Variants in MYO6 observed in about 807,000 individuals in gnomAD.
The protein encoded by MYO6 is unconventional myosin-VI.
MYO6 carries 74 observed loss-of-function variants against 178.7 expected under a neutral mutation model. The observed-to-expected ratio is 0.41, with a 90% CI of 0.34 to 0.50. The LOEUF is 0.50. MYO6 is among the 20% of genes least tolerant of loss of function. MYO6 has a pLI of 0.09. For missense variants in MYO6, 1,330 were observed against 1,547.4 expected, an observed-to-expected ratio of 0.86 and a Z score of 2.36; for synonymous variants, 477 against 504.6, an observed-to-expected ratio of 0.95 and a Z score of 0.73.
At chr6:75,814,086 T>C (rs1052628944) in intron 1 of MYO6, among the ~76,000 whole-genome samples, 1 of 152,176 alleles carries the variant, frequency 6.6e-6, no homozygotes, top group Admixed American at 6.5e-5. Flanking sequence ...GCCCAGAAAA[T>C]GCAGTCCTTG....
chr6:75,773,450 G>T (rs568177088), intron 1 of MYO6, among the ~76,000 whole-genome samples: 1 of 152,210 alleles, frequency 6.6e-6, no homozygotes, highest in Non-Finnish European at 1.5e-5. Flanking sequence ...TAGTGATCAT[G>T]TATCAATCAG....
At chr6:75,777,488 C>A (rs1241552379) in intron 1 of MYO6, among the ~76,000 whole-genome samples, 1 of 151,382 alleles carries the variant, frequency 6.6e-6, no homozygotes, top group African/African-American at 2.4e-5. Context: ...AGTGCAGTGG[C>A]GCAATTTCAG....
chr6:75,836,007 A>C (rs1773611969), intron 7 of MYO6, 51 bp downstream of exon 7: 2 of 1,267,852 alleles, frequency 1.6e-6, no homozygotes, highest in African/African-American at 2.9e-5. Context: ...AATTTACAAG[A>C]CTTCTTTTAG....
At chr6:75,791,617 G>C (rs1768258864) in intron 1 of MYO6, among the ~76,000 whole-genome samples, 1 of 152,116 alleles carries the variant, frequency 6.6e-6, no homozygotes, top group South Asian at 2.1e-4. Context: ...CGATCAAGGA[G>C]ACTTTGACTT....
At chr6:75,893,147 C>CT (rs1378742656) in intron 28 of MYO6, among the ~76,000 whole-genome samples, 1 of 152,082 alleles carries the variant, frequency 6.6e-6, no homozygotes, top group Non-Finnish European at 1.5e-5. Flanking sequence ...GAGAACTCTA[C>CT]TCTGCAATGC....
intron 1 of MYO6, among the ~76,000 whole-genome samples, chr6:75,783,155 G>A (rs986527687): frequency 3.3e-5 from 5 of 151,958 alleles, no homozygotes; most frequent in African/African-American, 9.7e-5. Context: ...GGGCTCAAGC[G>A]ATCCTCTTCC....
chr6:75,909,850 C>T (rs1780629566), intron 32 of MYO6, among the ~76,000 whole-genome samples: 2 of 152,160 alleles, frequency 1.3e-5, no homozygotes, highest in African/African-American at 4.8e-5. Context: ...TTATATTTTG[C>T]TTTCCTCACT....
Position 75,805,021 on chromosome 6 carries a change from A to ATATATTTTTTTTT in MYO6, c.-47-12479_-47-12478insATATTTTTTTTTT, listed in dbSNP as rs1252912172. 3.2e-4 allele frequency among the ~76,000 whole-genome samples: 25 copies of ATATATTTTTTTTT among 77,282 alleles called. 1 individual carries two copies. Among genetic ancestry groups the ATATATTTTTTTTT allele is most frequent in the East Asian group, 1.7e-3 (3 of 1,786 alleles). 50.7% of individuals were successfully genotyped at this position (77,282 alleles called of 152,430 possible). On this transcript the variant is annotated intron_variant, in intron 1 of 34. Coordinates refer to ENST00000369977, the MANE Select transcript of MYO6 (RefSeq NM_004999.4). The stretch of plus-strand genomic sequence containing the variant: ...CACACACATATATATATATATATAT[A>ATATATTTTTTTTT]TTTTTTTTTTTTTTTTTTTTGAGAC...
At chr6:75,775,452 T>G (rs1043913492) in intron 1 of MYO6, among the ~76,000 whole-genome samples, 1 of 152,200 alleles carries the variant, frequency 6.6e-6, no homozygotes, top group Non-Finnish European at 1.5e-5. Context: ...CTGTCCAAAT[T>G]GGAAATAAAC....
At position 75,767,520 on chromosome 6, in the gene MYO6, C is replaced by CTTT. The variant is rs1002645261; in HGVS notation, c.-48+18114_-48+18116dup. On this transcript the variant is annotated intron_variant, in intron 1 of 34. Coordinates refer to ENST00000369977, the MANE Select transcript of MYO6 (RefSeq NM_004999.4). Reference sequence around the variant, plus strand: ...ATAAATACACATGATTTACAAATTCCTTTTTTTTTTTTTTTTTTTGAGGCA... The same window carrying CTTT: ...ATAAATACACATGATTTACAAATTCCTTTTTTTTTTTTTTTTTTTTTTGAGGCA... Among the ~76,000 whole-genome samples the CTTT allele has an allele frequency of 1.4e-4, 18 of 131,230 alleles. 1 individual carries two copies. The highest frequency in any genetic ancestry group is 3.1e-4 in the African/African-American group (11 of 35,460). 86.1% of individuals were successfully genotyped at this position (131,230 alleles called of 152,430 possible).
At chr6:75,859,505 G>C (rs1478139552) in intron 14 of MYO6, among the ~76,000 whole-genome samples, 1 of 151,576 alleles carries the variant, frequency 6.6e-6, no homozygotes, top group Non-Finnish European at 1.5e-5. Flanking sequence ...TCACAATTTT[G>C]GCTAGGCTAG....
intron 11 of MYO6, among the ~76,000 whole-genome samples, chr6:75,854,767 G>C (rs1290289601): frequency 1.3e-5 from 2 of 152,014 alleles, no homozygotes; most frequent in East Asian, 1.9e-4. Flanking sequence ...ATTACTCCTT[G>C]AAATTTCTTG....
At chr6:75,891,843 T>G (rs1778925760) in intron 27 of MYO6, among the ~76,000 whole-genome samples, 1 of 152,136 alleles carries the variant, frequency 6.6e-6, no homozygotes, top group Non-Finnish European at 1.5e-5. Context: ...ATTGTACACA[T>G]TATAGTGAGG....
At chr6:75,823,723 T>C (rs1222659471) in intron 3 of MYO6, among the ~76,000 whole-genome samples, 1 of 152,248 alleles carries the variant, frequency 6.6e-6, no homozygotes, top group Non-Finnish European at 1.5e-5. Flanking sequence ...CCATGGACTG[T>C]AACTGTAGAG....
At chr6:75,899,623 A>G (rs1031404130) in intron 30 of MYO6, among the ~76,000 whole-genome samples, 1 of 152,300 alleles carries the variant, frequency 6.6e-6, no homozygotes, top group East Asian at 1.9e-4. Flanking sequence ...ACCGCTTATG[A>G]AAAGTATAGA....
intron 6 of MYO6, among the ~76,000 whole-genome samples, chr6:75,833,229 GC>G (rs1773304208): frequency 6.6e-6 from 1 of 152,200 alleles, no homozygotes; most frequent in East Asian, 1.9e-4. Context: ...CTGGGCTTGA[GC>G]AACCCTCCTG....
At chr6:75,794,538 A>AT (rs1218983011) in intron 1 of MYO6, among the ~76,000 whole-genome samples, 1 of 152,170 alleles carries the variant, frequency 6.6e-6, no homozygotes, top group Admixed American at 6.5e-5. Flanking sequence ...CCAGAACTCA[A>AT]TTATATGTGT....
At chr6:75,870,967 G>A (rs1199129286) in intron 19 of MYO6, among the ~76,000 whole-genome samples, 1 of 152,032 alleles carries the variant, frequency 6.6e-6, no homozygotes, top group Non-Finnish European at 1.5e-5. Context: ...TTTTTCTTAG[G>A]ATTAAAGATT....
At position 75,835,965 on chromosome 6, in the gene MYO6, A is replaced by G. The variant is rs1448672121; in HGVS notation, c.553+9A>G. The stretch of plus-strand genomic sequence containing the variant: ...TGACAGAATTGTTGAAGGTATTGCT[A>G]ATTTTTCAGTTGTTACGCGTGTACT... On this transcript the variant is annotated intron_variant, in intron 7 of 34. Transcript: ENST00000369977. 11 of 1,592,194 alleles carry G rather than the reference A, an allele frequency of 6.9e-6. No individual in the cohort carries two copies. Among genetic ancestry groups the G allele is most frequent in the South Asian group, 1.1e-5 (1 of 90,622 alleles).
Sources: gnomAD v4.1 joint callset for allele counts (sites outside exome capture counted in the v4.1 genomes callset) on GRCh38, gnomAD v4.1.1 for gene constraint, MANE v1.5 for transcripts, NCBI Gene and HGNC (gene_info 2026-07-23, HGNC 2026-07-21) for gene names.